DOK6: variants seen among roughly 807,000 people sequenced by gnomAD.
DOK6 encodes the protein downstream of tyrosine kinase 6.
DOK6 carries 22 observed loss-of-function variants against 44.0 expected under a neutral mutation model. The ratio of observed to expected loss-of-function variants is 0.50; its 90% CI spans 0.36 to 0.71. DOK6 has a LOEUF of 0.71. DOK6 is among the 30% of genes least tolerant of loss of function. The probability of loss-of-function intolerance (pLI) is 0.00; values close to 1 mark genes in which losing one functional copy is unlikely to be tolerated. For missense variants in DOK6, 340 were observed against 416.4 expected (o/e 0.82, Z 1.60); for synonymous variants, 166 against 145.5 (o/e 1.14, Z -1.01).
At chr18:69,804,640 A>G (rs184248187) in intron 7 of DOK6, among the ~76,000 whole-genome samples, 103 of 152,332 alleles carry the variant, frequency 6.8e-4, no homozygotes, top group Middle Eastern at 3.4e-3. Flanking sequence ...GGATGAACAC[A>G]TTAACACATT....
intron 1 of DOK6, among the ~76,000 whole-genome samples, chr18:69,523,123 A>G (rs1981733261): frequency 6.6e-6 from 1 of 152,100 alleles, no homozygotes; most frequent in African/African-American, 2.4e-5. Flanking sequence ...TTTATTACCA[A>G]GTCACTCTGT....
chr18:69,437,434 T>G (rs1979011793), intron 1 of DOK6, among the ~76,000 whole-genome samples: 2 of 152,190 alleles, frequency 1.3e-5, no homozygotes, highest in South Asian at 4.1e-4. Context: ...CATTGCTGGT[T>G]TTTTGTCAGG....
intron 1 of DOK6, among the ~76,000 whole-genome samples, chr18:69,451,220 A>C (rs1280982204): frequency 6.8e-6 from 1 of 147,118 alleles, no homozygotes; most frequent in Non-Finnish European, 1.5e-5. Context: ...AGGAAGATCT[A>C]CCAAGCAAAT....
chr18:69,449,699 G>A (rs1471598677), intron 1 of DOK6, among the ~76,000 whole-genome samples: 7 of 152,046 alleles, frequency 4.6e-5, no homozygotes, highest in African/African-American at 9.7e-5. Context: ...CTCCCAGCAC[G>A]CAGATGGAGA....
intron 5 of DOK6, among the ~76,000 whole-genome samples, chr18:69,709,787 C>T (rs192442135): frequency 4.0e-4 from 61 of 152,250 alleles, no homozygotes; most frequent in Non-Finnish European, 7.2e-4. Flanking sequence ...TCTTTCAAAA[C>T]TATTTTTTGG....
rs1385597623 is a variant in DOK6 at position 69,843,819 on chromosome 18, G to A, written c.*2436G>A. On this transcript the variant is annotated 3_prime_UTR_variant, in exon 8 of 8. Transcript: ENST00000382713. ...GTTTTTAACCAGATCTCGTCACAAT[G>A]AGGAGAATGCTATAATCTATCTCAT... 6.6e-6 allele frequency: 1 copy of A among 152,206 alleles called. No homozygotes were observed. Among genetic ancestry groups the A allele is most frequent in the Non-Finnish European group, 1.5e-5 (1 of 68,046 alleles). 9.4% of individuals were successfully genotyped at this position (152,206 alleles called of 1,614,324 possible).
At chr18:69,833,300 A>G (rs1981954388) in intron 7 of DOK6, among the ~76,000 whole-genome samples, 1 of 152,216 alleles carries the variant, frequency 6.6e-6, no homozygotes, top group Non-Finnish European at 1.5e-5. Flanking sequence ...TGCTGAGAAC[A>G]TACCTTAAAG....
At chr18:69,449,517 G>C (rs1404141653) in intron 1 of DOK6, among the ~76,000 whole-genome samples, 1 of 152,184 alleles carries the variant, frequency 6.6e-6, no homozygotes, top group Non-Finnish European at 1.5e-5. Flanking sequence ...AAACTTTATT[G>C]GGTCTTAAAT....
intron 1 of DOK6, among the ~76,000 whole-genome samples, chr18:69,554,359 C>T (rs1164614939): frequency 6.6e-6 from 1 of 152,176 alleles, no homozygotes; most frequent in Non-Finnish European, 1.5e-5. Context: ...ACACTTGTCA[C>T]CTAAGCATGC....
At chr18:69,509,637 CAAAAAAAAAA>C (rs1183367298) in intron 1 of DOK6, among the ~76,000 whole-genome samples, 4 of 33,988 alleles carry the variant, frequency 1.2e-4, no homozygotes, top group South Asian at 1.3e-3. Flanking sequence ...GGCTCTGTCT[CAAAAAAAAAA>C]AAAAAAAAAA....
At chr18:69,496,764 A>G (rs1980903768) in intron 1 of DOK6, among the ~76,000 whole-genome samples, 1 of 152,130 alleles carries the variant, frequency 6.6e-6, no homozygotes, top group Non-Finnish European at 1.5e-5. Flanking sequence ...ATCACATTGT[A>G]GTTACTTTAA....
intron 1 of DOK6, among the ~76,000 whole-genome samples, chr18:69,420,586 C>T (rs962421968): frequency 4.6e-5 from 7 of 152,112 alleles, no homozygotes; most frequent in African/African-American, 1.7e-4. Flanking sequence ...TGGTGTGCTG[C>T]ACCCATTAAC....
intron 2 of DOK6, among the ~76,000 whole-genome samples, chr18:69,583,158 C>T (rs1983408499): frequency 6.6e-6 from 1 of 152,184 alleles, no homozygotes; most frequent in Non-Finnish European, 1.5e-5. Context: ...GTTCATTCTA[C>T]GTATTCACCT....
chr18:69,576,239 A>G (rs1983235742), intron 2 of DOK6, among the ~76,000 whole-genome samples: 1 of 151,754 alleles, frequency 6.6e-6, no homozygotes, highest in Non-Finnish European at 1.5e-5. Context: ...AAAAATATTC[A>G]TCATCAAGAT....
intron 7 of DOK6, among the ~76,000 whole-genome samples, chr18:69,803,425 T>A (rs1456192651): frequency 6.6e-6 from 1 of 151,946 alleles, no homozygotes; most frequent in African/African-American, 2.4e-5. Context: ...CAATAAGAGG[T>A]TAATATGTCA....
intron 7 of DOK6, among the ~76,000 whole-genome samples, chr18:69,808,975 T>C (rs117546518): frequency 1.3e-5 from 2 of 151,496 alleles, no homozygotes; most frequent in Non-Finnish European, 3.0e-5. Context: ...GATATCAAAA[T>C]CAAAGACCTA....
At chr18:69,599,522 C>T in intron 3 of DOK6, 24 bp downstream of exon 3, 1 of 1,594,800 alleles carries the variant, frequency 6.3e-7, no homozygotes, top group South Asian at 1.1e-5. Flanking sequence ...GGCCATCTAC[C>T]CCTTGAGGAA....
intron 3 of DOK6, among the ~76,000 whole-genome samples, chr18:69,611,286 T>C (rs1984133110): frequency 6.6e-6 from 1 of 152,066 alleles, no homozygotes; most frequent in Non-Finnish European, 1.5e-5. Flanking sequence ...GACTGACAGT[T>C]TTTAAAATTA....
intron 1 of DOK6, among the ~76,000 whole-genome samples, chr18:69,430,091 T>G (rs1978761077): frequency 6.6e-6 from 1 of 152,168 alleles, no homozygotes; most frequent in African/African-American, 2.4e-5. Context: ...CAAAAAGCTT[T>G]TAATCTGTAG....
Sources: allele counts gnomAD v4.1 joint callset (sites outside exome capture counted in the v4.1 genomes callset), GRCh38; gene constraint gnomAD v4.1.1; transcripts MANE v1.5; gene names NCBI Gene and HGNC (gene_info 2026-07-23, HGNC 2026-07-21).